DOCK4: variants seen among roughly 807,000 people sequenced by gnomAD.
The protein encoded by DOCK4 is dedicator of cytokinesis protein 4.
Under a neutral mutation model 268.1 loss-of-function variants are expected in DOCK4, and 97 were observed. The ratio of observed to expected loss-of-function variants is 0.36; its 90% CI spans 0.31 to 0.43. The LOEUF (loss-of-function observed/expected upper bound fraction) is 0.43, where lower values mean the gene tolerates loss of function less well. DOCK4 is among the 20% of genes least tolerant of loss of function. DOCK4 has a pLI of 1.00. For missense variants in DOCK4, 2,145 were observed against 2,455.7 expected (o/e 0.87, Z 2.67); for synonymous variants, 954 against 887.2 (o/e 1.08, Z -1.34).
At chr7:112,093,262 A>G (rs1346841161) in intron 1 of DOCK4, among the ~76,000 whole-genome samples, 1 of 152,196 alleles carries the variant, frequency 6.6e-6, no homozygotes, top group African/African-American at 2.4e-5. Context: ...CTCAATGCCC[A>G]CATTCCCACC....
chr7:111,728,691 T>G lies in DOCK4; in HGVS notation c.5511A>C (p.Pro1837=). The part of the protein sequence containing the change: ...KGSVQSFTPS[P]VEYHSPGLIS... ...TGAGTCCTGGCGAGTGGTACTCCAC[T>G]GGAGAGGGGGTGAAAGACTGCACAG... Residue 1837 remains proline (P), a synonymous_variant, in exon 53 of 53, where the codon CCA becomes CCC. Coordinates refer to ENST00000428084, the MANE Select transcript of DOCK4 (RefSeq NM_001363540.2). The G allele has an allele frequency of 6.2e-7, 1 of 1,613,366 alleles. No individual in the cohort carries two copies. Among genetic ancestry groups the G allele is most frequent in the Non-Finnish European group, 8.5e-7 (1 of 1,179,666 alleles).
At chr7:111,737,438 TTC>T (rs1370569130) in intron 49 of DOCK4, among the ~76,000 whole-genome samples, 2 of 152,014 alleles carry the variant, frequency 1.3e-5, no homozygotes, top group East Asian at 3.9e-4. Flanking sequence ...CTGTGTGGAG[TTC>T]TTTGTAAATA....
At chr7:111,769,769 A>T (rs1329816222) in intron 36 of DOCK4, 92 bp from the exon 37 acceptor site, 56 of 1,437,840 alleles carry the variant, frequency 3.9e-5, no homozygotes, top group Non-Finnish European at 1.3e-5. Flanking sequence ...GGGGAAAAAA[A>T]ATACTATTTT....
At chr7:111,839,888 T>C (rs1803542979) in intron 25 of DOCK4, among the ~76,000 whole-genome samples, 1 of 152,208 alleles carries the variant, frequency 6.6e-6, no homozygotes, top group African/African-American at 2.4e-5. Flanking sequence ...CATGAGTAAG[T>C]CTTTTAGCGG....
chr7:112,157,103 A>C (rs1251617549), intron 1 of DOCK4, among the ~76,000 whole-genome samples: 3 of 152,130 alleles, frequency 2.0e-5, no homozygotes, highest in Non-Finnish European at 4.4e-5. Flanking sequence ...TATGACTTTT[A>C]TATTGGGAGG....
chr7:111,767,212 G>C, intron 37 of DOCK4, 94 bp from the exon 38 acceptor site: 1 of 881,598 alleles, frequency 1.1e-6, no homozygotes, highest in South Asian at 1.5e-5. Flanking sequence ...AGAGCACCAA[G>C]CCTTACTCCT....
Position 111,995,551 on chromosome 7 carries a change from A to G in DOCK4, c.219-1320T>C, listed in dbSNP as rs142993052. On this transcript the variant is annotated intron_variant, in intron 4 of 52. Coordinates refer to ENST00000428084, the MANE Select transcript of DOCK4 (RefSeq NM_001363540.2). ...TGATTGAGACTATTTTCTTTATTTC[A>G]GTATATTTTTCTCAAGAAAACGTCT... is the stretch of plus-strand genomic sequence containing the variant. Among the ~76,000 whole-genome samples, 4 of 150,966 alleles carry G rather than the reference A, an allele frequency of 2.6e-5. No homozygotes were observed. In the East Asian group the frequency reaches 7.8e-4, roughly 30 times the overall value.
intron 1 of DOCK4, among the ~76,000 whole-genome samples, chr7:112,107,417 C>T (rs900236724): frequency 6.6e-6 from 1 of 152,152 alleles, no homozygotes; most frequent in African/African-American, 2.4e-5. Context: ...AGAGCAAAGG[C>T]CATGTGGGGA....
intron 28 of DOCK4, among the ~76,000 whole-genome samples, 181 bp from the exon 29 acceptor site, chr7:111,809,582 C>G (rs1338498710): frequency 6.6e-6 from 1 of 152,176 alleles, no homozygotes; most frequent in Non-Finnish European, 1.5e-5. Context: ...TTATACTATT[C>G]TCTCTACTTG....
chr7:112,076,931 C>T (rs893765521), intron 1 of DOCK4, among the ~76,000 whole-genome samples: 2 of 150,588 alleles, frequency 1.3e-5, no homozygotes, highest in Non-Finnish European at 2.9e-5. Context: ...AAACAAAGAT[C>T]GCATCATTTG....
At chr7:111,951,759 A>T (rs1378564214) in intron 8 of DOCK4, among the ~76,000 whole-genome samples, 1 of 151,948 alleles carries the variant, frequency 6.6e-6, no homozygotes, top group Non-Finnish European at 1.5e-5. Flanking sequence ...AGCTACACAG[A>T]AGGCTGAGGT....
chr7:112,034,887 A>G (rs1803608804), intron 1 of DOCK4, among the ~76,000 whole-genome samples: 1 of 152,158 alleles, frequency 6.6e-6, no homozygotes, highest in South Asian at 2.1e-4. Context: ...GGGAGACAGA[A>G]AAAATGACTC....
rs1800905686 is a variant in DOCK4, at chr7:111,809,306, T to G, written c.3102A>C (p.Leu1034Phe). 6.4e-6 allele frequency: 10 copies of G among 1,555,548 alleles called. No individual in the cohort carries two copies. The highest frequency in any genetic ancestry group is 7.8e-6 in the Non-Finnish European group (9 of 1,148,092). The change falls in exon 29 of 53, where the codon TTA (leucine) becomes TTC (phenylalanine). Residue 1034 changes from leucine to phenylalanine, a missense_variant. Leu to Phe is a conservative substitution (Grantham distance 22). Coordinates refer to ENST00000428084, the MANE Select transcript of DOCK4 (RefSeq NM_001363540.2). ...MFTPSKKKKV[L>F]EKYGDMRVTM... Reference sequence around the variant, plus strand: ...GATTATACACTGATACTTACTTTTCTAACACCTTTTTCTTCTTGGAAGGTG... The same window carrying G: ...GATTATACACTGATACTTACTTTTCGAACACCTTTTTCTTCTTGGAAGGTG...
chr7:111,882,376 T>C (rs1807462569), intron 16 of DOCK4, among the ~76,000 whole-genome samples: 1 of 152,216 alleles, frequency 6.6e-6, no homozygotes, highest in South Asian at 2.1e-4. Flanking sequence ...TTTATCTGTA[T>C]ACTGATTTTA....
chr7:112,127,021 AACTAGAAAT>A (rs1230646623), intron 1 of DOCK4, among the ~76,000 whole-genome samples: 1 of 152,048 alleles, frequency 6.6e-6, no homozygotes. Flanking sequence ...AGGGATCTAG[AACTAGAAAT>A]ACCATTTGAC....
intron 12 of DOCK4, among the ~76,000 whole-genome samples, chr7:111,926,085 C>T (rs1484461262): frequency 2.1e-5 from 2 of 96,026 alleles, no homozygotes; most frequent in African/African-American, 8.9e-5. Flanking sequence ...CAGAGCGAGA[C>T]AAAGAAAAAA....
At chr7:111,985,368 A>T (rs1798972549) in intron 6 of DOCK4, among the ~76,000 whole-genome samples, 1 of 152,140 alleles carries the variant, frequency 6.6e-6, no homozygotes, top group African/African-American at 2.4e-5. Context: ...CAGTTCTCTG[A>T]GGATCACTTG....
At chr7:112,170,453 C>T (rs999843158) in intron 1 of DOCK4, among the ~76,000 whole-genome samples, 15 of 151,380 alleles carry the variant, frequency 9.9e-5, no homozygotes, top group African/African-American at 3.4e-4. Flanking sequence ...AGAATAATAC[C>T]CCGTCTTAAA....
At chr7:111,912,341 G>A (rs1792175763) in intron 13 of DOCK4, among the ~76,000 whole-genome samples, 1 of 152,094 alleles carries the variant, frequency 6.6e-6, no homozygotes, top group South Asian at 2.1e-4. Context: ...TGTGGAGGGT[G>A]GGGTATGGAG....
Sources: gnomAD v4.1 joint callset for allele counts (sites outside exome capture counted in the v4.1 genomes callset) on GRCh38, gnomAD v4.1.1 for gene constraint, MANE v1.5 for transcripts, NCBI Gene and HGNC (gene_info 2026-07-23, HGNC 2026-07-21) for gene names.